TCF7L1: variants seen among roughly 807,000 people sequenced by gnomAD.
TCF7L1 encodes the protein transcription factor 7 like 1, also known as transcription factor 7-like 1.
Under a neutral mutation model 63.7 loss-of-function variants are expected in TCF7L1, and 18 were observed. The observed-to-expected ratio is 0.28, with a 90% CI of 0.20 to 0.42. The LOEUF (loss-of-function observed/expected upper bound fraction) is 0.42, where lower values mean the gene tolerates loss of function less well. Ranked by LOEUF, TCF7L1 falls within the 10% of genes least tolerant of loss-of-function variation. TCF7L1 has a pLI of 1.00. For missense variants in TCF7L1, 654 were observed against 779.3 expected, an observed-to-expected ratio of 0.84 and a Z score of 1.91; for synonymous variants, 355 against 340.9, an observed-to-expected ratio of 1.04 and a Z score of -0.46.
At chr2:85,211,246 G>A (rs1679534345) in intron 3 of TCF7L1, among the ~76,000 whole-genome samples, 1 of 152,108 alleles carries the variant, frequency 6.6e-6, no homozygotes, top group African/African-American at 2.4e-5. Context: ...GAATTGTCTG[G>A]AACCACCACG....
chr2:85,246,365 A>G (rs1294383415), intron 3 of TCF7L1, among the ~76,000 whole-genome samples: 1 of 152,250 alleles, frequency 6.6e-6, no homozygotes, highest in South Asian at 2.1e-4. Flanking sequence ...GGGAAGTACT[A>G]TGAAGAGTGT....
In TCF7L1 at chr2:85,306,448, C is replaced by A. The variant is rs56311472; in HGVS notation, c.1150-4C>A. The A allele has an allele frequency of 6.2e-7, 1 of 1,613,988 alleles. No homozygotes were observed. Among genetic ancestry groups the A allele is most frequent in the Non-Finnish European group, 8.5e-7 (1 of 1,180,010 alleles). ...CGTGTGGTCTCTGACCCTCTCTCCC[C>A]CAGTGGCACAACCTGTCTCGAGAAG... On this transcript the variant is annotated splice_polypyrimidine_tract_variant and splice_region_variant and intron_variant, in intron 9 of 11. Transcript: ENST00000282111. The surrounding 1 kb of genome is among the most constrained non-coding windows in gnomAD (Gnocchi z 4.3).
chr2:85,193,180 T>C (rs1679078296), intron 3 of TCF7L1, among the ~76,000 whole-genome samples: 1 of 152,182 alleles, frequency 6.6e-6, no homozygotes, highest in South Asian at 2.1e-4. Flanking sequence ...CCTGTCCTTT[T>C]ATTCTCGTGG....
chr2:85,270,543 T>C (rs995307507), intron 3 of TCF7L1, among the ~76,000 whole-genome samples: 3 of 152,198 alleles, frequency 2.0e-5, no homozygotes, highest in Non-Finnish European at 4.4e-5. Flanking sequence ...AGTAGCTGCC[T>C]CAGTGTTGAG....
intron 5 of TCF7L1, 21 bp downstream of exon 5, chr2:85,302,637 G>T: frequency 1.2e-6 from 2 of 1,610,900 alleles, no homozygotes; most frequent in Non-Finnish European, 8.5e-7. Flanking sequence ...TGCCACTCAG[G>T]CAGTGCTGCT....
At chr2:85,275,401 T>A (rs949700546) in intron 3 of TCF7L1, among the ~76,000 whole-genome samples, 3 of 152,042 alleles carry the variant, frequency 2.0e-5, no homozygotes, top group Admixed American at 6.6e-5. Flanking sequence ...AAGAGAATAG[T>A]TTTGAGATCA....
chr2:85,175,205 G>A (rs547524738), intron 3 of TCF7L1, among the ~76,000 whole-genome samples: 29 of 152,294 alleles, frequency 1.9e-4, no homozygotes, highest in African/African-American at 6.7e-4. Flanking sequence ...CTGCTCAGTT[G>A]TACAATGCTC....
chr2:85,150,502 T>G lies in TCF7L1; in HGVS notation c.441+16052T>G, dbSNP rs190428405. On this transcript the variant is annotated intron_variant, in intron 3 of 11. Coordinates refer to ENST00000282111, the MANE Select transcript of TCF7L1 (RefSeq NM_031283.3). ...CCGCCTTGGCCTCCCAAAGTGCTGGTATTACAGGCGTGAGCCACCGCGCCC... is the reference window on the plus strand; with the variant it reads ...CCGCCTTGGCCTCCCAAAGTGCTGGGATTACAGGCGTGAGCCACCGCGCCC... Among the ~76,000 whole-genome samples, 260 of 152,050 alleles carry G rather than the reference T, an allele frequency of 1.7e-3. 5 individuals carry two copies. In the East Asian group the frequency reaches 0.034, roughly 20 times the overall value.
intron 3 of TCF7L1, among the ~76,000 whole-genome samples, chr2:85,265,395 C>G (rs578071524): frequency 6.6e-6 from 1 of 152,216 alleles, no homozygotes; most frequent in Non-Finnish European, 1.5e-5. Flanking sequence ...CCCAGCAGCC[C>G]TGGTGCCAGT....
chr2:85,156,287 C>A (rs1032133798), intron 3 of TCF7L1, among the ~76,000 whole-genome samples: 1 of 152,236 alleles, frequency 6.6e-6, no homozygotes, highest in Non-Finnish European at 1.5e-5. Flanking sequence ...GAAGTCTGGT[C>A]AAATCCACTA....
intron 4 of TCF7L1, among the ~76,000 whole-genome samples, chr2:85,301,847 C>T (rs546347328): frequency 4.2e-4 from 64 of 152,242 alleles, no homozygotes; most frequent in Middle Eastern, 3.4e-3. Flanking sequence ...TTTTCAGGGC[C>T]GGGCGCAGTG....
intron 3 of TCF7L1, among the ~76,000 whole-genome samples, chr2:85,147,879 G>A (rs1292978141): frequency 6.6e-6 from 1 of 152,060 alleles, no homozygotes; most frequent in South Asian, 2.1e-4. Context: ...GCTTACATCT[G>A]GATAAACCCA....
chr2:85,179,479 T>TA (rs1179533179), intron 3 of TCF7L1, among the ~76,000 whole-genome samples: 1 of 152,216 alleles, frequency 6.6e-6, no homozygotes, highest in African/African-American at 2.4e-5. Flanking sequence ...TGAGAACCTC[T>TA]ATACTAGGTC....
intron 3 of TCF7L1, among the ~76,000 whole-genome samples, chr2:85,135,599 C>T (rs1677573843): frequency 6.6e-6 from 1 of 151,870 alleles, no homozygotes; most frequent in South Asian, 2.1e-4. Context: ...GCTGAATGGC[C>T]ATTCCTGCTG....
chr2:85,255,522 C>A (rs1316686264), intron 3 of TCF7L1, among the ~76,000 whole-genome samples: 1 of 152,164 alleles, frequency 6.6e-6, no homozygotes, highest in African/African-American at 2.4e-5. Context: ...CCCAGGGAGC[C>A]CCAGGGCAGG....
intron 3 of TCF7L1, among the ~76,000 whole-genome samples, chr2:85,177,803 CT>C (rs1678714060): frequency 6.6e-6 from 1 of 152,178 alleles, no homozygotes; most frequent in South Asian, 2.1e-4. Flanking sequence ...TGTCTTTATT[CT>C]GATGAATTCA....
chr2:85,231,584 C>T (rs540569213), intron 3 of TCF7L1, among the ~76,000 whole-genome samples: 1 of 152,270 alleles, frequency 6.6e-6, no homozygotes, highest in South Asian at 2.1e-4. Flanking sequence ...TCTGGGCCAC[C>T]GCTGGTGTAT....
intron 3 of TCF7L1, among the ~76,000 whole-genome samples, chr2:85,234,648 G>A (rs757450966): frequency 2.0e-5 from 3 of 152,146 alleles, no homozygotes; most frequent in East Asian, 1.9e-4. Flanking sequence ...GAAGTGGATC[G>A]CCTACTTAAC....
intron 8 of TCF7L1, 115 bp downstream of exon 8, chr2:85,305,518 A>G: frequency 1.5e-6 from 2 of 1,297,590 alleles, no homozygotes; most frequent in Non-Finnish European, 2.1e-6. Context: ...CTCAGCAGGC[A>G]TCACAGCCTC....
Sources: allele counts gnomAD v4.1 joint callset (sites outside exome capture counted in the v4.1 genomes callset), GRCh38; gene constraint gnomAD v4.1.1; non-coding constraint Gnocchi (gnomAD v3.1); transcripts MANE v1.5; gene names NCBI Gene and HGNC (gene_info 2026-07-23, HGNC 2026-07-21).